The following CCDC106 variants were observed in gnomAD, a reference collection of about 807,000 sequenced individuals.
The protein encoded by CCDC106 is coiled-coil domain-containing protein 106.
In CCDC106, 17 loss-of-function variants were observed where a neutral mutation model predicts 24.7. The ratio of observed to expected loss-of-function variants is 0.69; its 90% CI spans 0.47 to 1.03. CCDC106 has a LOEUF of 1.03. Ranked by LOEUF, CCDC106 falls within the 50% of genes least tolerant of loss-of-function variation. The pLI, the probability that CCDC106 is intolerant of heterozygous loss-of-function variation, is 0.00. For missense variants in CCDC106, 337 were observed against 388.9 expected, an observed-to-expected ratio of 0.87 and a Z score of 1.12; for synonymous variants, 211 against 161.3, an observed-to-expected ratio of 1.31 and a Z score of -2.34.
At position 55,648,937 on chromosome 19, in the gene CCDC106, C is replaced by A; in HGVS notation, c.-110C>A. The A allele has an allele frequency of 3.7e-6, 4 of 1,088,076 alleles. No homozygotes were observed. The highest frequency in any genetic ancestry group is 1.3e-5 in the South Asian group (1 of 79,444). 67.4% of individuals were successfully genotyped at this position (1,088,076 alleles called of 1,614,324 possible). A position where few individuals can be genotyped will look rare whatever the true frequency, so the allele number is the denominator to read the frequency against. ...GAAGGTCCCTCCTGTCTCACTTCAC[C>A]TCCCCCAGGATGGACCCTCCAGTCC... On this transcript the variant is annotated 5_prime_UTR_variant, in exon 1 of 5. Coordinates refer to ENST00000586790, the MANE Select transcript of CCDC106 (RefSeq NM_001370470.1).
At chr19:55,649,779 A>G (rs1983119808) in intron 3 of CCDC106, 195 bp downstream of exon 3, 8 of 597,434 alleles carry the variant, frequency 1.3e-5, no homozygotes, top group Middle Eastern at 4.4e-4. Flanking sequence ...ATCCCCATGA[A>G]CTGTCTACTG....
rs763404034 is a variant in CCDC106, at chr19:55,649,415, G to A, written c.144G>A (p.Pro48=). The part of the protein sequence containing the change: ...SPSRRNFEEP[P]EAASSALALM... ...CCCTCGCTGTGTCCCTAGAGCCTCC[G>A]GAGGCTGCGTCCTCCGCCCTGGCTC... Residue 48 remains proline, a synonymous_variant, in exon 3 of 5, where the codon CCG becomes CCA. Coordinates refer to ENST00000586790, the MANE Select transcript of CCDC106 (RefSeq NM_001370470.1). 12 of 1,613,934 alleles carry A rather than the reference G, an allele frequency of 7.4e-6. No homozygotes were observed. Among genetic ancestry groups the A allele is most frequent in the East Asian group, 2.2e-5 (1 of 44,890 alleles).
Position 55,652,214 on chromosome 19 carries a change from C to G in CCDC106, c.527-216C>G, listed in dbSNP as rs1983346433. On this transcript the variant is annotated intron_variant, in intron 4 of 4. Transcript: ENST00000586790. The surrounding 1 kb of genome is among the most constrained non-coding windows in gnomAD (Gnocchi z 5.9). ...TGTCTCCTCACTCTCCTTCCTGGGC[C>G]TGCCTCTTCCCATTTCCCACTGGTC... 1.3e-5 allele frequency among the ~76,000 whole-genome samples: 2 copies of G among 152,064 alleles called. No homozygotes were observed. The highest frequency in any genetic ancestry group is 1.3e-4 in the Admixed American group (2 of 15,274).
intron 3 of CCDC106, among the ~76,000 whole-genome samples, chr19:55,650,716 G>C (rs1449321848): frequency 1.3e-5 from 2 of 152,128 alleles, no homozygotes; most frequent in Non-Finnish European, 2.9e-5. Flanking sequence ...CCTTTGCACA[G>C]ACAGTTTGGC....
At position 55,652,863 on chromosome 19, in the gene CCDC106, C is replaced by A; in HGVS notation, c.*117C>A. The A allele has an allele frequency of 2.1e-6, 2 of 935,672 alleles. No homozygotes were observed. Among genetic ancestry groups the A allele is most frequent in the Non-Finnish European group, 3.1e-6 (2 of 640,014 alleles). 58.0% of individuals were successfully genotyped at this position (935,672 alleles called of 1,614,324 possible). A position where few individuals can be genotyped will look rare whatever the true frequency, so the allele number is the denominator to read the frequency against. ...TCCTCCTCGCTCCCTGGGTTGGGGGCTCCCTTAGCCGGGCCCCCAAGCGCG... is the reference window on the plus strand; with the variant it reads ...TCCTCCTCGCTCCCTGGGTTGGGGGATCCCTTAGCCGGGCCCCCAAGCGCG... On this transcript the variant is annotated 3_prime_UTR_variant, in exon 5 of 5. Coordinates refer to ENST00000586790, the MANE Select transcript of CCDC106 (RefSeq NM_001370470.1). The surrounding 1 kb of genome is among the most constrained non-coding windows in gnomAD (Gnocchi z 5.9).
At position 55,649,418 on chromosome 19, in the gene CCDC106, G is replaced by A; in HGVS notation, c.147G>A (p.Glu49=). Residue 49 remains glutamate (E), a synonymous_variant, in exon 3 of 5, where the codon GAG becomes GAA. Transcript: ENST00000586790. The part of the protein sequence containing the change: ...PSRRNFEEPP[E]AASSALALMN... ...TCGCTGTGTCCCTAGAGCCTCCGGA[G>A]GCTGCGTCCTCCGCCCTGGCTCTGA... The A allele has an allele frequency of 6.2e-7, 1 of 1,614,096 alleles. No homozygotes were observed. The highest frequency in any genetic ancestry group is 8.5e-7 in the Non-Finnish European group (1 of 1,179,996).
chr19:55,650,420 C>T (rs1983164110), intron 3 of CCDC106, among the ~76,000 whole-genome samples: 2 of 152,154 alleles, frequency 1.3e-5, no homozygotes. Flanking sequence ...TGCCCGACAG[C>T]CCATGGCCTG....
chr19:55,650,489 G>A (rs1983172463), intron 3 of CCDC106, among the ~76,000 whole-genome samples: 1 of 152,142 alleles, frequency 6.6e-6, no homozygotes. Context: ...CCTTGGCTGG[G>A]AAGACCCCTC....
rs754217737 is a variant in CCDC106, at chr19:55,649,242, C to T, written c.69C>T (p.Phe23=). ...DDETFEISIP[F]DEAPHLDPQI... is the part of the protein sequence containing the mutation. ...AGACCTTCGAGATCTCCATTCCCTT[C>T]GATGAGGCACCCCACCTAGACCCAC... Residue 23 remains phenylalanine, a synonymous_variant, in exon 2 of 5, where the codon TTC becomes TTT. Transcript: ENST00000586790. 3 of 1,613,994 alleles carry T rather than the reference C, an allele frequency of 1.9e-6. No homozygotes were observed. Among genetic ancestry groups the T allele is most frequent in the South Asian group, 2.2e-5 (2 of 91,078 alleles).
chr19:55,650,791 T>C (rs893111913), intron 3 of CCDC106, among the ~76,000 whole-genome samples: 4 of 152,288 alleles, frequency 2.6e-5, no homozygotes, highest in South Asian at 4.1e-4. Flanking sequence ...ACCCGCCTTC[T>C]AGAGGAATCT....
At position 55,649,035 on chromosome 19, in the gene CCDC106, G is replaced by A. The variant is rs1983053990; in HGVS notation, c.-12G>A. 1.2e-6 allele frequency: 2 copies of A among 1,612,870 alleles called. No individual in the cohort carries two copies. The highest frequency in any genetic ancestry group is 3.3e-5 in the Admixed American group (2 of 60,010). ...AGGCCCTCGGCTGCTGGGGTCCGTA[G>A]GAAGCCGCGCCATGAATGACCGGAG... On this transcript the variant is annotated 5_prime_UTR_variant, in exon 1 of 5. Coordinates refer to ENST00000586790, the MANE Select transcript of CCDC106 (RefSeq NM_001370470.1).
In CCDC106 at chr19:55,652,873, C is replaced by T; in HGVS notation, c.*127C>T. 2.3e-6 allele frequency: 2 copies of T among 863,744 alleles called. No individual in the cohort carries two copies. Among genetic ancestry groups the T allele is most frequent in the South Asian group, 1.7e-5 (1 of 57,636 alleles). 53.5% of individuals were successfully genotyped at this position (863,744 alleles called of 1,614,324 possible). On this transcript the variant is annotated 3_prime_UTR_variant, in exon 5 of 5. Transcript: ENST00000586790. The surrounding 1 kb of genome is among the most constrained non-coding windows in gnomAD (Gnocchi z 5.9). ...TCCCTGGGTTGGGGGCTCCCTTAGC[C>T]GGGCCCCCAAGCGCGACGGCCCCGG...
rs756695607 is a variant in CCDC106, at chr19:55,651,481, G to C, written c.512G>C (p.Arg171Pro). 1.3e-6 allele frequency: 2 copies of C among 1,579,458 alleles called. No individual in the cohort carries two copies. The highest frequency in any genetic ancestry group is 1.7e-6 in the Non-Finnish European group (2 of 1,163,890). The change falls in exon 4 of 5, where the codon CGG (arginine) becomes CCG (proline). Residue 171 changes from arginine to proline, a missense_variant. Physicochemically the swap from Arg to Pro is moderately radical, Grantham distance 103. This residue lies in a region of CCDC106 where 234 missense variants were observed against 236.5 expected (regional missense o/e 0.99). Transcript: ENST00000586790. ...SRRRFGKPKA[R>P]ERQRVKDADG... ...AGGCGCTTTGGGAAGCCCAAGGCCC[G>C]GGAGAGGCAGCGAGGTGAGTGGGGT...
At position 55,651,376 on chromosome 19, in the gene CCDC106, C is replaced by T. The variant is rs1405601392; in HGVS notation, c.407C>T (p.Ala136Val). The T allele has an allele frequency of 1.2e-6, 2 of 1,612,172 alleles. No homozygotes were observed. Among genetic ancestry groups the T allele is most frequent in the Non-Finnish European group, 1.7e-6 (2 of 1,179,198 alleles). The change falls in exon 4 of 5, where the codon GCC becomes GTC. Residue 136 changes from alanine (A) to valine (V), a missense_variant. Transcript: ENST00000586790. The stretch of plus-strand genomic sequence containing the variant: ...GAGGCCTCGGACCCTGAGTCAGCAG[C>T]CTCCTCCCTCAGCGGAGCGTCCGAA... ...GGEASDPESAASSLSGASEEG... is the reference protein window; with the variant it reads ...GGEASDPESAVSSLSGASEEG...
Position 55,652,649 on chromosome 19 carries a change from G to A in CCDC106, c.746G>A (p.Arg249His). Reference sequence around the variant, plus strand: ...GAGCGCCTGCTCGAGTACTCCCGCCGCTGCTTTCTGGCCCTGGACGACGAG... The same window carrying A: ...GAGCGCCTGCTCGAGTACTCCCGCCACTGCTTTCTGGCCCTGGACGACGAG... ...SKERLLEYSR[R>H]CFLALDDETL... Residue 249 changes from arginine (R) to histidine (H), a missense_variant, in exon 5 of 5, where the codon CGC becomes CAC. Physicochemically the swap from Arg to His is conservative, Grantham distance 29 (BLOSUM62 0). Around this residue, in one of 2 missense-constraint regions of CCDC106, gnomAD observed 103 missense variants for 152.4 expected, o/e 0.68. Coordinates refer to ENST00000586790, the MANE Select transcript of CCDC106 (RefSeq NM_001370470.1). The surrounding 1 kb of genome is among the most constrained non-coding windows in gnomAD (Gnocchi z 5.9). The A allele has an allele frequency of 6.2e-7, 1 of 1,613,218 alleles. No individual in the cohort carries two copies. The highest frequency in any genetic ancestry group is 8.5e-7 in the Non-Finnish European group (1 of 1,179,912).
chr19:55,649,454 C>T lies in CCDC106; in HGVS notation c.183C>T (p.Val61=), dbSNP rs560164070. 2 of 1,614,026 alleles carry T rather than the reference C, an allele frequency of 1.2e-6. No individual in the cohort carries two copies. Among genetic ancestry groups the T allele is most frequent in the East Asian group, 4.5e-5 (2 of 44,896 alleles). ...CCGCCCTGGCTCTGATGAACAGCGTCAAGACCCAGCTGCACATGGCTCTGG... is the reference window on the plus strand; with the variant it reads ...CCGCCCTGGCTCTGATGAACAGCGTTAAGACCCAGCTGCACATGGCTCTGG... ...ASSALALMNS[V]KTQLHMALER... Residue 61 remains valine (V), a synonymous_variant, in exon 3 of 5, where the codon GTC becomes GTT. Coordinates refer to ENST00000586790, the MANE Select transcript of CCDC106 (RefSeq NM_001370470.1).
rs1382981596 is a variant in CCDC106, at chr19:55,649,472, G to T, written c.201G>T (p.Met67Ile). 1 of 1,614,128 alleles carries T rather than the reference G, an allele frequency of 6.2e-7. No individual in the cohort carries two copies. The highest frequency in any genetic ancestry group is 8.5e-7 in the Non-Finnish European group (1 of 1,179,994). The change falls in exon 3 of 5, where the codon ATG becomes ATT. Residue 67 changes from methionine (M) to isoleucine (I), a missense_variant. Physicochemically the swap from Met to Ile is conservative, Grantham distance 10. This residue lies in a region of CCDC106 where 234 missense variants were observed against 236.5 expected (regional missense o/e 0.99). Coordinates refer to ENST00000586790, the MANE Select transcript of CCDC106 (RefSeq NM_001370470.1). ...LMNSVKTQLH[M>I]ALERNSWLQK... ...ACAGCGTCAAGACCCAGCTGCACAT[G>T]GCTCTGGAGAGGAACTCCTGGCTGC...
At chr19:55,647,702 G>T (rs1283867838), upstream of CCDC106, among the ~76,000 whole-genome samples, 1 of 152,230 alleles carries the variant, frequency 6.6e-6, no homozygotes, top group African/African-American at 2.4e-5. Flanking sequence ...TTTTCCGGGA[G>T]AGGGGTAACT....
intron 3 of CCDC106, 30 bp downstream of exon 3, chr19:55,649,614 C>T: frequency 6.3e-7 from 1 of 1,597,486 alleles, no homozygotes; most frequent in African/African-American, 1.3e-5. Context: ...ATCCACATGC[C>T]TCCCTGTCCC....
Sources: allele counts gnomAD v4.1 joint callset (sites outside exome capture counted in the v4.1 genomes callset), GRCh38; gene constraint gnomAD v4.1.1; regional missense constraint gnomAD v4.1.1; non-coding constraint Gnocchi (gnomAD v3.1); transcripts MANE v1.5; gene names NCBI Gene and HGNC (gene_info 2026-07-23, HGNC 2026-07-21).